Variants in CLIP1 observed in about 807,000 individuals in gnomAD.
CLIP1 encodes the protein CAP-Gly domain-containing linker protein 1.
Under a neutral mutation model 161.6 loss-of-function variants are expected in CLIP1, and 66 were observed. The observed-to-expected ratio is 0.41, with a 90% CI of 0.33 to 0.50. The LOEUF is 0.50. CLIP1 is among the 20% of genes least tolerant of loss of function. The pLI, the probability that CLIP1 is intolerant of heterozygous loss-of-function variation, is 0.27. For synonymous variants in CLIP1, 598 were observed against 626.2 expected (o/e 0.96, Z 0.67); for missense variants, 1,376 against 1,702.0 (o/e 0.81, Z 3.37).
At chr12:122,397,553 CAAAAAAAAAA>C (rs35589479) in intron 1 of CLIP1, among the ~76,000 whole-genome samples, 5 of 66,866 alleles carry the variant, frequency 7.5e-5, no homozygotes, top group Middle Eastern at 0.015. Flanking sequence ...ACTCCATCTC[CAAAAAAAAAA>C]AAAAAAAAAA....
rs1335590394 is a variant in CLIP1 at position 122,272,028 on chromosome 12, A to G, written c.*847T>C. On this transcript the variant is annotated 3_prime_UTR_variant, in exon 26 of 26. Transcript: ENST00000620786. ...AAATGAAAATGGTTGCAAAGCCACAAGATGCTATGTCTGGCCTAGTCTGTT... is the reference window on the plus strand; with the variant it reads ...AAATGAAAATGGTTGCAAAGCCACAGGATGCTATGTCTGGCCTAGTCTGTT... 6.6e-6 allele frequency: 1 copy of G among 152,550 alleles called. No homozygotes were observed. Among genetic ancestry groups the G allele is most frequent in the South Asian group, 2.1e-4 (1 of 4,838 alleles). 9.4% of individuals were successfully genotyped at this position (152,550 alleles called of 1,614,324 possible).
At chr12:122,365,928 G>A (rs1211398153) in intron 3 of CLIP1, among the ~76,000 whole-genome samples, 1 of 152,172 alleles carries the variant, frequency 6.6e-6, no homozygotes, top group East Asian at 1.9e-4. Flanking sequence ...AGGATTGCTT[G>A]AGCCCAAGGG....
intron 3 of CLIP1, among the ~76,000 whole-genome samples, chr12:122,369,313 C>T (rs4758694): frequency 0.099 from 14,984 of 152,010 alleles, 1,240 homozygotes; most frequent in East Asian, 0.45. Flanking sequence ...TGAGCCACCA[C>T]GTCTGGCCAC....
intron 11 of CLIP1, among the ~76,000 whole-genome samples, chr12:122,339,910 T>G (rs1952415551): frequency 2.0e-5 from 3 of 152,128 alleles, no homozygotes; most frequent in Non-Finnish European, 4.4e-5. Flanking sequence ...TGTAACACAA[T>G]GCTAAGTATT....
chr12:122,359,813 A>G (rs1419230781), intron 5 of CLIP1, among the ~76,000 whole-genome samples: 3 of 152,124 alleles, frequency 2.0e-5, no homozygotes. Flanking sequence ...CCGCAGCACA[A>G]CGCAACATCC....
At chr12:122,352,874 T>C (rs750421515) in intron 7 of CLIP1, 88 bp from the exon 8 acceptor site, 6 of 1,143,386 alleles carry the variant, frequency 5.2e-6, no homozygotes, top group East Asian at 4.7e-5. Flanking sequence ...AAAAAACACG[T>C]TGGGCATGGT....
At chr12:122,361,897 TA>T in intron 4 of CLIP1, among the ~76,000 whole-genome samples, 1 of 152,122 alleles carries the variant, frequency 6.6e-6, no homozygotes, top group East Asian at 1.9e-4. Context: ...CAAAAGAAGT[TA>T]TTCATATAAC....
intron 1 of CLIP1, among the ~76,000 whole-genome samples, chr12:122,386,972 C>A (rs1194862411): frequency 6.6e-6 from 1 of 152,098 alleles, no homozygotes; most frequent in Non-Finnish European, 1.5e-5. Context: ...TTCACTGCAG[C>A]CTCTAACTCC....
At chr12:122,296,861 CAAA>C (rs56071033) in intron 20 of CLIP1, among the ~76,000 whole-genome samples, 72 of 58,254 alleles carry the variant, frequency 1.2e-3, no homozygotes, top group African/African-American at 3.2e-3. Context: ...GAGACTACCT[CAAA>C]AAAAAAAAAA....
chr12:122,307,995 T>C (rs1343862641), intron 20 of CLIP1, among the ~76,000 whole-genome samples: 2 of 152,248 alleles, frequency 1.3e-5, no homozygotes, highest in South Asian at 4.1e-4. Flanking sequence ...CATTACTTTC[T>C]AACACTCTGC....
intron 10 of CLIP1, chr12:122,342,413 C>A (rs1049929496): frequency 2.0e-5 from 3 of 152,158 alleles, no homozygotes; most frequent in African/African-American, 7.2e-5. Flanking sequence ...CTGTGCCATC[C>A]GGAACAGTAG....
chr12:122,301,992 G>A (rs910940007), intron 20 of CLIP1, among the ~76,000 whole-genome samples: 1 of 152,144 alleles, frequency 6.6e-6, no homozygotes, highest in Non-Finnish European at 1.5e-5. Flanking sequence ...CAGTGGATGT[G>A]GTGCAGCAGA....
In CLIP1 at chr12:122,274,265, T is replaced by C. The variant is rs544861670; in HGVS notation, c.3967-103A>G. On this transcript the variant is annotated intron_variant, in intron 24 of 25. Coordinates refer to ENST00000620786, the MANE Select transcript of CLIP1 (RefSeq NM_001247997.2). ...ACCTTTAAGCTCTGGCGGCAAAGTGTGCAGAAGGGGCCAACAGCGGCTATT... is the reference window on the plus strand; with the variant it reads ...ACCTTTAAGCTCTGGCGGCAAAGTGCGCAGAAGGGGCCAACAGCGGCTATT... 11 of 959,496 alleles carry C rather than the reference T, an allele frequency of 1.1e-5. No homozygotes were observed. In the East Asian group the frequency reaches 2.1e-4, roughly 18 times the overall value. 59.4% of individuals were successfully genotyped at this position (959,496 alleles called of 1,614,324 possible). A position where few individuals can be genotyped will look rare whatever the true frequency, so the allele number is the denominator to read the frequency against.
At chr12:122,317,910 C>G (rs917564453) in intron 18 of CLIP1, among the ~76,000 whole-genome samples, 1 of 152,182 alleles carries the variant, frequency 6.6e-6, no homozygotes, top group African/African-American at 2.4e-5. Context: ...GACACAGTTC[C>G]CCCTGGTTCC....
intron 1 of CLIP1, among the ~76,000 whole-genome samples, chr12:122,383,192 G>C (rs541295669): frequency 1.3e-5 from 2 of 152,214 alleles, no homozygotes; most frequent in Non-Finnish European, 2.9e-5. Flanking sequence ...AGGTAGAACT[G>C]ACAGAGAACA....
intron 8 of CLIP1, among the ~76,000 whole-genome samples, chr12:122,351,716 T>C (rs951626053): frequency 2.0e-5 from 3 of 152,196 alleles, no homozygotes; most frequent in African/African-American, 4.8e-5. Context: ...GAACTACAAA[T>C]CTGGAAAATT....
Position 122,341,582 on chromosome 12 carries a change from T to A in CLIP1, c.1622A>T (p.Asp541Val), listed in dbSNP as rs1315594870. The A allele has an allele frequency of 1.2e-6, 2 of 1,613,936 alleles. No individual in the cohort carries two copies. Among genetic ancestry groups the A allele is most frequent in the East Asian group, 4.5e-5 (2 of 44,874 alleles). Residue 541 changes from aspartate (D) to valine (V), a missense_variant, in exon 11 of 26, where the codon GAT becomes GTT. Around this residue, in one of 6 missense-constraint regions of CLIP1, gnomAD observed 948 missense variants for 1,134.8 expected, o/e 0.84. Transcript: ENST00000620786. Reference sequence around the variant, plus strand: ...CAAAAGGGAAAGTGACATGTCCACATCCCCAGCAGGCTTATTGGACTCTAG... The same window carrying A: ...CAAAAGGGAAAGTGACATGTCCACAACCCCAGCAGGCTTATTGGACTCTAG... The part of the protein sequence containing the change: ...RRLESNKPAG[D>V]VDMSLSLLQE...
At chr12:122,416,491 G>C (rs969005937) in intron 1 of CLIP1, among the ~76,000 whole-genome samples, 3 of 152,128 alleles carry the variant, frequency 2.0e-5, no homozygotes, top group Admixed American at 6.6e-5. Flanking sequence ...CAGCACAGTA[G>C]TACAAGCCTA....
chr12:122,295,786 C>T (rs911781717), intron 20 of CLIP1, among the ~76,000 whole-genome samples: 1 of 152,146 alleles, frequency 6.6e-6, no homozygotes, highest in Non-Finnish European at 1.5e-5. Flanking sequence ...TATTTCGGGA[C>T]TCTGTTATTA....
Sources: gnomAD v4.1 joint callset for allele counts (sites outside exome capture counted in the v4.1 genomes callset) on GRCh38, gnomAD v4.1.1 for gene constraint, gnomAD v4.1.1 regional missense constraint, MANE v1.5 for transcripts, NCBI Gene and HGNC (gene_info 2026-07-23, HGNC 2026-07-21) for gene names.